Variants in CYP2W1 observed in about 807,000 individuals in gnomAD.
CYP2W1 encodes cytochrome P450 2W1.
In CYP2W1, 51 loss-of-function variants were observed where a neutral mutation model predicts 44.9. The observed-to-expected ratio is 1.14, with a 90% CI of 0.91 to 1.43. The LOEUF is 1.43. CYP2W1 is among the 40% of genes most tolerant of loss of function. The pLI is 0.00. For missense variants in CYP2W1, 746 were observed against 700.0 expected (o/e 1.07, Z -0.74); for synonymous variants, 383 against 338.3 (o/e 1.13, Z -1.45).
At chr7:984,596 C>CGGGGCCTACTGGGTGTGGG in intron 2 of CYP2W1, 22 bp downstream of exon 2, 1 of 1,553,398 alleles carries the variant, frequency 6.4e-7, no homozygotes, top group Non-Finnish European at 8.7e-7. Context: ...GCCGGCGCTA[C>CGGGGCCTACTGGGTGTGGG]GGGGCCTACT....
rs1256284133 is a variant in CYP2W1, at chr7:983,353, C to T, written c.142C>T (p.Arg48Cys). The T allele has an allele frequency of 1.3e-6, 2 of 1,536,660 alleles. No homozygotes were observed. Among genetic ancestry groups the T allele is most frequent in the South Asian group, 1.2e-5 (1 of 83,462 alleles). Residue 48 changes from arginine to cysteine, a missense_variant, in exon 1 of 9, where the codon CGT becomes TGT. Arg to Cys is a radical substitution (Grantham distance 180, BLOSUM62 -3). Transcript: ENST00000308919. Reference sequence around the variant, plus strand: ...GCTCGTCGGGAACCTGCACTTGCTGCGTCTGTCGCAACAGGACCGGTCCCT... The same window carrying T: ...GCTCGTCGGGAACCTGCACTTGCTGTGTCTGTCGCAACAGGACCGGTCCCT... ...LPLVGNLHLLRLSQQDRSLME... is the reference protein window; with the variant it reads ...LPLVGNLHLLCLSQQDRSLME...
In CYP2W1 at chr7:988,950, C is replaced by T. The variant is rs938744359; in HGVS notation, c.*128C>T. On this transcript the variant is annotated 3_prime_UTR_variant, in exon 9 of 9. Transcript: ENST00000308919. The stretch of plus-strand genomic sequence containing the variant: ...CCCTGAGGACTCCCACCCTCACCCC[C>T]ACCCCCACAGGGTCAGCAACTGCTT... 53 of 630,340 alleles carry T rather than the reference C, an allele frequency of 8.4e-5. No individual in the cohort carries two copies. Among genetic ancestry groups the T allele is most frequent in the Admixed American group, 2.4e-4 (8 of 33,656 alleles). The allele number at this position is 630,340 out of a possible 1,614,324, so 39.0% of individuals were successfully genotyped here.
At chr7:984,812 G>T in intron 2 of CYP2W1, 138 bp from the exon 3 acceptor site, 1 of 1,291,608 alleles carries the variant, frequency 7.7e-7, no homozygotes, top group East Asian at 2.4e-5. Context: ...GGCCAGCCCA[G>T]GGGGACGGGA....
chr7:984,986 C>T lies in CYP2W1; in HGVS notation c.374C>T (p.Ala125Val). ...FFSSGARWRA[A>V]RQFTVRALHS... ...TCATCTGGGGCGCGCTGGAGGGCTG[C>T]CCGCCAGTTCACGGTGCGTGCCCTG... Residue 125 changes from alanine to valine, a missense_variant, in exon 3 of 9, where the codon GCC becomes GTC. Ala to Val is a moderately conservative substitution (Grantham distance 64, BLOSUM62 0). Coordinates refer to ENST00000308919, the MANE Select transcript of CYP2W1 (RefSeq NM_017781.3). 1 of 1,609,210 alleles carries T rather than the reference C, an allele frequency of 6.2e-7. No homozygotes were observed. The highest frequency in any genetic ancestry group is 8.5e-7 in the Non-Finnish European group (1 of 1,179,442).
Position 988,659 on chromosome 7 carries a change from G to T in CYP2W1, c.1310G>T (p.Arg437Leu). 1 of 1,601,350 alleles carries T rather than the reference G, an allele frequency of 6.2e-7. No homozygotes were observed. The highest frequency in any genetic ancestry group is 2.2e-5 in the East Asian group (1 of 44,816). ...GGCCGCCGCGTCTGTGTTGGGGAGC[G>T]CCTGGCCAGGACCGAGCTCTTCCTG... is the stretch of plus-strand genomic sequence containing the variant. The part of the protein sequence containing the change: ...SAGRRVCVGE[R>L]LARTELFLLF... The change falls in exon 9 of 9, where the codon CGC (arginine) becomes CTC (leucine). Residue 437 changes from arginine to leucine, a missense_variant. By Grantham distance (102) the Arg-to-Leu change is moderately radical. Transcript: ENST00000308919.
At position 983,309 on chromosome 7, in the gene CYP2W1, C is replaced by CG. The variant is rs1562951671; in HGVS notation, c.102dup (p.Pro35AlafsTer111). 1 of 1,541,264 alleles carries CG rather than the reference C, an allele frequency of 6.5e-7. No homozygotes were observed. Among genetic ancestry groups the CG allele is most frequent in the South Asian group, 1.2e-5 (1 of 83,590 alleles). Reference sequence around the variant, plus strand: ...CCCTCCCCAGCTGCCCGGTGGCCCCCGGGGCCTCGCCCGCTGCCGCTCGTC... The same window carrying CG: ...CCCTCCCCAGCTGCCCGGTGGCCCCCGGGGGCCTCGCCCGCTGCCGCTCGTC... On this transcript the variant is annotated frameshift_variant, in exon 1 of 9. Coordinates refer to ENST00000308919, the MANE Select transcript of CYP2W1 (RefSeq NM_017781.3). LOFTEE classifies it high-confidence loss of function.
At chr7:986,958 G>A in intron 5 of CYP2W1, 149 bp from the exon 6 acceptor site, 1 of 1,314,800 alleles carries the variant, frequency 7.6e-7, no homozygotes, top group Non-Finnish European at 1.0e-6. Context: ...GTGAAACGGG[G>A]CATCCATAGT....
Position 983,221 on chromosome 7 carries a change from C to A in CYP2W1, c.10C>A (p.Leu4Met), listed in dbSNP as rs1412968585. MALLLLLFLGLLGL... is the reference protein window; with the variant it reads MALMLLLFLGLLGL... ...CACCAGCCACGTCCTCATGGCCCTG[C>A]TGCTCTTGCTGTTCCTGGGCCTCCT... The change falls in exon 1 of 9, where the codon CTG becomes ATG. Residue 4 changes from leucine (L) to methionine (M), a missense_variant. Transcript: ENST00000308919. 1 of 1,518,438 alleles carries A rather than the reference C, an allele frequency of 6.6e-7. No individual in the cohort carries two copies. Among genetic ancestry groups the A allele is most frequent in the Non-Finnish European group, 8.9e-7 (1 of 1,127,878 alleles). 94.1% of individuals were successfully genotyped at this position (1,518,438 alleles called of 1,614,324 possible).
chr7:988,807 G>T lies in CYP2W1; in HGVS notation c.1458G>T (p.Ala486=), dbSNP rs151197353. 3.8e-6 allele frequency: 6 copies of T among 1,583,102 alleles called. No individual in the cohort carries two copies. Among genetic ancestry groups the T allele is most frequent in the Non-Finnish European group, 4.3e-6 (5 of 1,170,470 alleles). Reference sequence around the variant, plus strand: ...GGCCGAGGGCCCAGGCCCTGTGTGCGGTGCCCAGGCCCTAGGAGCTCCCCC... The same window carrying T: ...GGCCGAGGGCCCAGGCCCTGTGTGCTGTGCCCAGGCCCTAGGAGCTCCCCC... ...TMRPRAQALC[A]VPRP is the part of the protein sequence containing the mutation. The change falls in exon 9 of 9, where the codon GCG becomes GCT. Residue 486 remains alanine, a synonymous_variant. Coordinates refer to ENST00000308919, the MANE Select transcript of CYP2W1 (RefSeq NM_017781.3).
At position 988,504 on chromosome 7, in the gene CYP2W1, C is replaced by T. The variant is rs1192622599; in HGVS notation, c.1285+86C>T. 1.9e-6 allele frequency: 3 copies of T among 1,599,882 alleles called. No individual in the cohort carries two copies. The African/African-American group carries it at 4.0e-5, about 21-fold the overall frequency. On this transcript the variant is annotated intron_variant, in intron 8 of 8. Coordinates refer to ENST00000308919, the MANE Select transcript of CYP2W1 (RefSeq NM_017781.3). ...CCCAGCTCCGCCTGCCGCCTCTGCA[C>T]CCACCTCCTGATCTCAGGTTCTGAA...
rs748980730 is a variant in CYP2W1, at chr7:984,952, ATCT to A, written c.347_349del (p.Phe116del). ...CCACGCACTGTATCTGCCTACAGGC[ATCT>A]TCTTCTCATCTGGGGCGCGCTGGAG... is the stretch of plus-strand genomic sequence containing the variant. On this transcript the variant is annotated inframe_deletion, in exon 3 of 9. Coordinates refer to ENST00000308919, the MANE Select transcript of CYP2W1 (RefSeq NM_017781.3). 59 of 1,598,292 alleles carry A rather than the reference ATCT, an allele frequency of 3.7e-5. No individual in the cohort carries two copies. Among genetic ancestry groups the A allele is most frequent in the Middle Eastern group, 1.8e-4 (1 of 5,444 alleles).
rs117826462 is a variant in CYP2W1 at position 985,225 on chromosome 7, C to G, written c.547C>G (p.Leu183Val). ...WAPSNITFAL[L>V]FGRRFDYRDP... ...TCCCTCCAATATCACCTTCGCGCTCCTCTTCGGCCGCCGATTTGACTACCG... is the reference window on the plus strand; with the variant it reads ...TCCCTCCAATATCACCTTCGCGCTCGTCTTCGGCCGCCGATTTGACTACCG... The change falls in exon 4 of 9, where the codon CTC becomes GTC. Residue 183 changes from leucine to valine, a missense_variant. Leu to Val is a conservative substitution (Grantham distance 32, BLOSUM62 1). Transcript: ENST00000308919. 7,630 of 1,554,272 alleles carry G rather than the reference C, an allele frequency of 4.9e-3. 29 individuals are homozygous for G. Among genetic ancestry groups the G allele is most frequent in the Non-Finnish European group, 5.7e-3 (6,527 of 1,148,960 alleles).
Position 987,234 on chromosome 7 carries a change from C to A in CYP2W1, c.947C>A (p.Pro316Gln). ...QWAALLMGRH[P>Q]DVQGRVQEEL... ...GCCGCACTTCTGATGGGCCGGCACC[C>A]GGACGTGCAGGGTGAGACCCCGGCG... The change falls in exon 6 of 9, where the codon CCG (proline) becomes CAG (glutamine). Residue 316 changes from proline (P) to glutamine (Q), a missense_variant. By Grantham distance (76) the Pro-to-Gln change is moderately conservative. Coordinates refer to ENST00000308919, the MANE Select transcript of CYP2W1 (RefSeq NM_017781.3). 6.5e-7 allele frequency: 1 copy of A among 1,532,932 alleles called. No individual in the cohort carries two copies. Among genetic ancestry groups the A allele is most frequent in the Non-Finnish European group, 8.8e-7 (1 of 1,138,996 alleles). The allele number at this position is 1,532,932 out of a possible 1,614,324, so 95.0% of individuals were successfully genotyped here.
chr7:984,322 A>G, intron 1 of CYP2W1, 90 bp from the exon 2 acceptor site: 1 of 1,469,386 alleles, frequency 6.8e-7, no homozygotes. Context: ...CTCTGTCCCC[A>G]CCCCTACCCA....
chr7:988,305 C>T lies in CYP2W1; in HGVS notation c.1172C>T (p.Ser391Leu), dbSNP rs751078032. 19 of 1,604,584 alleles carry T rather than the reference C, an allele frequency of 1.2e-5. No individual in the cohort carries two copies. Among genetic ancestry groups the T allele is most frequent in the Middle Eastern group, 1.6e-4 (1 of 6,064 alleles). ...KGTPVIPLLT[S>L]VLLDETQWQT... ...ACGCCCGTGATTCCCCTGCTGACCT[C>T]GGTGCTCCTGGATGAGACACAGTGG... The change falls in exon 8 of 9, where the codon TCG (serine) becomes TTG (leucine). Residue 391 changes from serine (S) to leucine (L), a missense_variant. By Grantham distance (145) the Ser-to-Leu change is moderately radical. Coordinates refer to ENST00000308919, the MANE Select transcript of CYP2W1 (RefSeq NM_017781.3).
chr7:985,120 G>A (rs372410429), intron 3 of CYP2W1, 21 bp downstream of exon 3: 110 of 1,607,334 alleles, frequency 6.8e-5, no homozygotes, highest in Non-Finnish European at 8.2e-5. Context: ...GGCCGGGGAC[G>A]CCCCTCCCCG....
Position 987,663 on chromosome 7 carries a change from G to C in CYP2W1, c.1143+132G>C, listed in dbSNP as rs576070582. ...GCGCTCCCCGACCGGAGGCAATAAA[G>C]GGCGTCCAGCCAGGAGCAGGAGGGA... On this transcript the variant is annotated intron_variant, in intron 7 of 8. Transcript: ENST00000308919. 1.5e-3 allele frequency: 1,359 copies of C among 927,818 alleles called. 1 individual carries two copies. The highest frequency in any genetic ancestry group is 1.9e-3 in the Non-Finnish European group (1,243 of 641,016). The allele number at this position is 927,818 out of a possible 1,614,324, so 57.5% of individuals were successfully genotyped here. A position where few individuals can be genotyped will look rare whatever the true frequency, so the allele number is the denominator to read the frequency against.
chr7:986,572 G>C, intron 4 of CYP2W1, 52 bp from the exon 5 acceptor site: 1 of 1,593,540 alleles, frequency 6.3e-7, no homozygotes, highest in Non-Finnish European at 8.6e-7. Flanking sequence ...CCTGCCCAGC[G>C]TGCAGCCCTG....
In CYP2W1 at chr7:987,495, G is replaced by A. The variant is rs1848457676; in HGVS notation, c.1107G>A (p.Ala369=). 6 of 1,546,362 alleles carry A rather than the reference G, an allele frequency of 3.9e-6. No individual in the cohort carries two copies. Among genetic ancestry groups the A allele is most frequent in the South Asian group, 1.2e-5 (1 of 85,090 alleles). ...TLLPHVPRCT[A]ADTQLGGFLL... Reference sequence around the variant, plus strand: ...TGCCGCACGTGCCCCGCTGCACCGCGGCCGACACACAGCTGGGCGGCTTCC... The same window carrying A: ...TGCCGCACGTGCCCCGCTGCACCGCAGCCGACACACAGCTGGGCGGCTTCC... The change falls in exon 7 of 9, where the codon GCG becomes GCA. Residue 369 remains alanine (A), a synonymous_variant. Transcript: ENST00000308919.
Sources: allele counts gnomAD v4.1 joint callset, GRCh38; gene constraint gnomAD v4.1.1; transcripts MANE v1.5; gene names NCBI Gene and HGNC (gene_info 2026-07-23, HGNC 2026-07-21).